ADGRL2: variants seen among roughly 807,000 people sequenced by gnomAD.
The protein encoded by ADGRL2 is adhesion G protein-coupled receptor L2.
ADGRL2 carries 44 observed loss-of-function variants against 157.4 expected under a neutral mutation model. The ratio of observed to expected loss-of-function variants is 0.28; its 90% CI spans 0.22 to 0.36. The LOEUF (loss-of-function observed/expected upper bound fraction) is 0.36. Ranked by LOEUF, ADGRL2 falls within the 10% of genes least tolerant of loss-of-function variation. ADGRL2 has a pLI of 1.00. For missense variants in ADGRL2, 1,510 were observed against 1,768.9 expected (o/e 0.85, Z 2.63); for synonymous variants, 585 against 624.7 (o/e 0.94, Z 0.95).
At chr1:81,406,704 G>C (rs769577099) in intron 1 of ADGRL2, among the ~76,000 whole-genome samples, 5 of 152,112 alleles carry the variant, frequency 3.3e-5, no homozygotes, top group Non-Finnish European at 7.4e-5. Context: ...TCTGAGAGGA[G>C]TTATCCTCTC....
At chr1:81,361,689 G>T (rs1182372870) in intron 1 of ADGRL2, among the ~76,000 whole-genome samples, 2 of 151,968 alleles carry the variant, frequency 1.3e-5, no homozygotes, top group Non-Finnish European at 2.9e-5. Context: ...TTAAGCAACA[G>T]AGAGTGAAAT....
At chr1:81,518,753 G>A (rs949802101) in intron 2 of ADGRL2, among the ~76,000 whole-genome samples, 2 of 150,750 alleles carry the variant, frequency 1.3e-5, no homozygotes, top group Non-Finnish European at 1.5e-5. Context: ...AGCTGAGATC[G>A]TGCGACTGCA....
At chr1:81,796,662 G>A (rs545785181), upstream of ADGRL2, among the ~76,000 whole-genome samples, 11 of 152,216 alleles carry the variant, frequency 7.2e-5, no homozygotes, top group South Asian at 1.0e-3. Context: ...TAATTAACAC[G>A]TGTGGTGCAC....
chr1:81,344,972 T>C (rs929664788), intron 1 of ADGRL2, among the ~76,000 whole-genome samples: 8 of 152,254 alleles, frequency 5.3e-5, no homozygotes, highest in Admixed American at 2.0e-4. Context: ...AAAATCTGAT[T>C]TTGTGACACT....
At chr1:81,713,401 G>A (rs2149088521) in intron 1 of ADGRL2, among the ~76,000 whole-genome samples, 1 of 152,302 alleles carries the variant, frequency 6.6e-6, no homozygotes, top group African/African-American at 2.4e-5. Flanking sequence ...TTTCACAGAT[G>A]TGACATCAGC....
intron 2 of ADGRL2, among the ~76,000 whole-genome samples, chr1:81,509,623 A>C (rs2079039847): frequency 6.6e-6 from 1 of 152,238 alleles, no homozygotes. Flanking sequence ...ACTGTTAAAA[A>C]CATGAATGAG....
chr1:81,374,687 A>G (rs1295090534), intron 1 of ADGRL2, among the ~76,000 whole-genome samples: 5 of 152,116 alleles, frequency 3.3e-5, no homozygotes, highest in Admixed American at 3.3e-4. Flanking sequence ...AAGTGTGTGC[A>G]CTTCCTGACT....
intron 1 of ADGRL2, among the ~76,000 whole-genome samples, chr1:81,342,943 A>G (rs1662180998): frequency 6.6e-6 from 1 of 152,126 alleles, no homozygotes; most frequent in Admixed American, 6.5e-5. Flanking sequence ...GTCTGTCAAT[A>G]GATACTCTGA....
intron 3 of ADGRL2, among the ~76,000 whole-genome samples, chr1:81,650,728 T>C (rs954157533): frequency 3.9e-5 from 6 of 152,186 alleles, no homozygotes; most frequent in African/African-American, 1.4e-4. Context: ...TAGATTTTAA[T>C]AGGTCAACAA....
intron 1 of ADGRL2, among the ~76,000 whole-genome samples, chr1:81,444,527 C>T (rs757380191): frequency 6.6e-6 from 1 of 152,214 alleles, no homozygotes; most frequent in Non-Finnish European, 1.5e-5. Flanking sequence ...GCTGGAGGAA[C>T]AGATGCTCAG....
At chr1:81,445,893 T>C (rs1459271531) in intron 2 of ADGRL2, among the ~76,000 whole-genome samples, 1 of 152,216 alleles carries the variant, frequency 6.6e-6, no homozygotes, top group Non-Finnish European at 1.5e-5. Context: ...AAATATTGCC[T>C]GGCACCTAGT....
chr1:81,730,618 G>T (rs1285485192), intron 1 of ADGRL2, among the ~76,000 whole-genome samples: 3 of 151,956 alleles, frequency 2.0e-5, no homozygotes, highest in Admixed American at 6.6e-5. Flanking sequence ...AGCTACTTAG[G>T]AGGCTGAGGC....
intron 3 of ADGRL2, among the ~76,000 whole-genome samples, chr1:81,608,148 A>T (rs1442183678): frequency 6.6e-6 from 1 of 151,868 alleles, no homozygotes; most frequent in African/African-American, 2.4e-5. Flanking sequence ...TTCATATCTG[A>T]TTTTCAGTGC....
intron 2 of ADGRL2, among the ~76,000 whole-genome samples, chr1:81,783,047 A>G (rs1048327026): frequency 2.4e-4 from 36 of 152,198 alleles, no homozygotes; most frequent in African/African-American, 7.7e-4. Flanking sequence ...TGTGGCTCTT[A>G]GAAAGCTTAA....
chr1:81,363,764 GA>G (rs1178926856), intron 1 of ADGRL2, among the ~76,000 whole-genome samples: 1 of 152,080 alleles, frequency 6.6e-6, no homozygotes, highest in African/African-American at 2.4e-5. Context: ...CAAGTTAAAA[GA>G]TTGCAGAAAA....
At chr1:81,934,270 A>C (rs890660407) in intron 3 of ADGRL2, among the ~76,000 whole-genome samples, 1 of 152,038 alleles carries the variant, frequency 6.6e-6, no homozygotes, top group Admixed American at 6.6e-5. Context: ...GAAAGAGTAA[A>C]TATGGACAGT....
chr1:81,905,947 AGT>A (rs3046460), intron 2 of ADGRL2, among the ~76,000 whole-genome samples: 16,186 of 144,200 alleles, frequency 0.11, 892 homozygotes, highest in South Asian at 0.22. Flanking sequence ...AAAAAAGCAG[AGT>A]GTGTGTGTGT....
intron 10 of ADGRL2, 101 bp from the exon 11 acceptor site, chr1:81,955,776 A>T (rs1214375099): frequency 1.4e-5 from 10 of 707,518 alleles, no homozygotes; most frequent in Non-Finnish European, 2.4e-5. Context: ...AGAGTAAATC[A>T]TCATGACAGA....
At chr1:81,805,074 T>G (rs116477826) in intron 1 of ADGRL2, among the ~76,000 whole-genome samples, 1,610 of 152,290 alleles carry the variant, frequency 0.011, 19 homozygotes, top group Middle Eastern at 0.017. Context: ...TATTGTTTTG[T>G]TTCAAAATTT....
Sources: gnomAD v4.1 joint callset for allele counts (sites outside exome capture counted in the v4.1 genomes callset) on GRCh38, gnomAD v4.1.1 for gene constraint, MANE v1.5 for transcripts, NCBI Gene and HGNC (gene_info 2026-07-23, HGNC 2026-07-21) for gene names.